Variants in PTPN13 observed in about 807,000 individuals in gnomAD.
PTPN13 encodes protein tyrosine phosphatase non-receptor type 13.
Under a neutral mutation model 284.0 loss-of-function variants are expected in PTPN13, and 191 were observed. That is an observed-to-expected ratio of 0.67 (90% CI 0.60 to 0.76). The LOEUF is 0.76. PTPN13 is among the 30% of genes least tolerant of loss of function. The pLI is 0.00. For synonymous variants in PTPN13, 986 were observed against 1,022.3 expected, an observed-to-expected ratio of 0.96 and a Z score of 0.68; for missense variants, 2,797 against 2,939.9, an observed-to-expected ratio of 0.95 and a Z score of 1.12.
At chr4:86,650,173 G>C (rs1460095482) in intron 2 of PTPN13, among the ~76,000 whole-genome samples, 1 of 152,028 alleles carries the variant, frequency 6.6e-6, no homozygotes, top group Non-Finnish European at 1.5e-5. Flanking sequence ...TTTTAGTAGA[G>C]ATGGGGTTCT....
intron 2 of PTPN13, among the ~76,000 whole-genome samples, chr4:86,657,146 G>A (rs1725932333): frequency 6.6e-6 from 1 of 152,186 alleles, no homozygotes; most frequent in East Asian, 1.9e-4. Flanking sequence ...GGCTAGGAAA[G>A]GGAATTCCCC....
chr4:86,726,633 A>G (rs1171969797), intron 10 of PTPN13, among the ~76,000 whole-genome samples: 1 of 149,076 alleles, frequency 6.7e-6, no homozygotes, highest in Non-Finnish European at 1.5e-5. Flanking sequence ...TGGTGTAGAG[A>G]AATGTTTGTG....
At chr4:86,738,756 C>A (rs1177077412) in intron 15 of PTPN13, among the ~76,000 whole-genome samples, 1 of 152,176 alleles carries the variant, frequency 6.6e-6, no homozygotes, top group South Asian at 2.1e-4. Flanking sequence ...TCTTGGCTCA[C>A]TGCAGCCTCC....
rs1578746665 is a variant in PTPN13, at chr4:86,814,649, A to G, written c.*98A>G. The G allele has an allele frequency of 1.1e-6, 1 of 898,152 alleles. No homozygotes were observed. Among genetic ancestry groups the G allele is most frequent in the South Asian group, 1.6e-5 (1 of 62,962 alleles). 55.6% of individuals were successfully genotyped at this position (898,152 alleles called of 1,614,324 possible). A position where few individuals can be genotyped will look rare whatever the true frequency, so the allele number is the denominator to read the frequency against. On this transcript the variant is annotated 3_prime_UTR_variant, in exon 48 of 48. Coordinates refer to ENST00000411767, the MANE Select transcript of PTPN13 (RefSeq NM_080683.3). Reference sequence around the variant, plus strand: ...ATAAAGATCACAGAGCAGCAAGTTCATACAACATGCATGTTCTCCTCTATC... The same window carrying G: ...ATAAAGATCACAGAGCAGCAAGTTCGTACAACATGCATGTTCTCCTCTATC...
Position 86,734,289 on chromosome 4 carries a change from C to T in PTPN13, c.1859-14C>T, listed in dbSNP as rs1410792423. 7.0e-7 allele frequency: 1 copy of T among 1,425,454 alleles called. No individual in the cohort carries two copies. The highest frequency in any genetic ancestry group is 1.5e-5 in the African/African-American group (1 of 68,274). The allele number at this position is 1,425,454 out of a possible 1,614,324, so 88.3% of individuals were successfully genotyped here. On this transcript the variant is annotated splice_polypyrimidine_tract_variant and intron_variant, in intron 12 of 47. Transcript: ENST00000411767. ...TTTTTTATTTTATCTGAATATTTTT[C>T]TCATTCTGTTTAGATAATGAATATT...
At chr4:86,785,175 C>G in intron 38 of PTPN13, 56 bp from the exon 39 acceptor site, 2 of 1,340,908 alleles carry the variant, frequency 1.5e-6, no homozygotes, top group Non-Finnish European at 2.0e-6. Flanking sequence ...CACCTTGTCC[C>G]TTTCTCGTGT....
At chr4:86,764,223 G>A (rs1488824937) in intron 24 of PTPN13, among the ~76,000 whole-genome samples, 1 of 152,052 alleles carries the variant, frequency 6.6e-6, no homozygotes, top group African/African-American at 2.4e-5. Context: ...ATTGGACCAG[G>A]ATTATATAAA....
intron 6 of PTPN13, among the ~76,000 whole-genome samples, chr4:86,698,573 A>G (rs1408405935): frequency 1.3e-5 from 2 of 152,188 alleles, no homozygotes; most frequent in Non-Finnish European, 2.9e-5. Context: ...TATCTCATAA[A>G]GGAAGAAAAA....
intron 2 of PTPN13, among the ~76,000 whole-genome samples, chr4:86,636,464 C>A (rs1169693130): frequency 1.3e-5 from 2 of 152,144 alleles, no homozygotes; most frequent in Non-Finnish European, 2.9e-5. Flanking sequence ...AAGAATCAGT[C>A]TCTAAAATTG....
At chr4:86,724,416 T>A (rs1734005632) in intron 10 of PTPN13, among the ~76,000 whole-genome samples, 1 of 152,224 alleles carries the variant, frequency 6.6e-6, no homozygotes, top group African/African-American at 2.4e-5. Context: ...CTTTGGTTCA[T>A]TCACAATTCA....
chr4:86,809,688 C>A, intron 45 of PTPN13, 81 bp from the exon 46 acceptor site: 1 of 1,345,940 alleles, frequency 7.4e-7, no homozygotes, highest in Non-Finnish European at 1.1e-6. Context: ...GAGACCCTAT[C>A]TCAAGAAAGA....
intron 17 of PTPN13, among the ~76,000 whole-genome samples, chr4:86,747,328 G>T (rs750965950): frequency 6.6e-6 from 1 of 152,172 alleles, no homozygotes; most frequent in African/African-American, 2.4e-5. Context: ...ATTGCCATAA[G>T]ATAATACCTA....
intron 13 of PTPN13, 118 bp downstream of exon 13, chr4:86,734,574 G>C (rs148112260): frequency 7.9e-7 from 1 of 1,270,508 alleles, no homozygotes; most frequent in Non-Finnish European, 1.1e-6. Flanking sequence ...TATCATAAAA[G>C]TAATATTTCT....
Position 86,630,252 on chromosome 4 carries a change from A to G in PTPN13, c.-5-5000A>G, listed in dbSNP as rs183739291. The stretch of plus-strand genomic sequence containing the variant: ...AAAGTATTTCTTGTATCTGACTGAC[A>G]GAAAAAACCTTCCCAAGTACCCAAA... On this transcript the variant is annotated intron_variant, in intron 1 of 47. Transcript: ENST00000411767. 1.6e-4 allele frequency among the ~76,000 whole-genome samples: 24 copies of G among 152,290 alleles called. No individual in the cohort carries two copies. The East Asian group carries it at 4.4e-3, about 28-fold the overall frequency.
intron 36 of PTPN13, 148 bp from the exon 37 acceptor site, chr4:86,782,053 G>T (rs1741376712): frequency 5.4e-6 from 3 of 559,608 alleles, no homozygotes; most frequent in South Asian, 2.7e-5. Flanking sequence ...CCATTTATTT[G>T]GTTTTTAATC....
chr4:86,693,537 C>A, intron 5 of PTPN13, 50 bp from the exon 6 acceptor site: 1 of 1,284,674 alleles, frequency 7.8e-7, no homozygotes, highest in South Asian at 1.6e-5. Context: ...ACCATGAAAA[C>A]AAAAGGGAGA....
chr4:86,676,370 C>T (rs1474208311), intron 3 of PTPN13, among the ~76,000 whole-genome samples: 6 of 152,004 alleles, frequency 3.9e-5, no homozygotes, highest in South Asian at 2.1e-4. Context: ...CAACTGTTGG[C>T]GAGGATGCAG....
At chr4:86,635,616 G>A (rs111952857) in intron 2 of PTPN13, among the ~76,000 whole-genome samples, 7,099 of 152,172 alleles carry the variant, frequency 0.047, 222 homozygotes, top group African/African-American at 0.061. Flanking sequence ...GATTGAAACC[G>A]AAACAGTTCT....
In PTPN13 at chr4:86,811,040, T is replaced by C. The variant is rs1464161126; in HGVS notation, c.7300-6T>C. The C allele has an allele frequency of 1.9e-6, 3 of 1,612,332 alleles. No homozygotes were observed. The African/African-American group carries it at 4.0e-5, about 22-fold the overall frequency. On this transcript the variant is annotated splice_polypyrimidine_tract_variant and splice_region_variant and intron_variant, in intron 46 of 47. Coordinates refer to ENST00000411767, the MANE Select transcript of PTPN13 (RefSeq NM_080683.3). ...AATCTAACACATATGTGGTTTCCTCTGACAGTTTGACATCTCTGATTTGGT... is the reference window on the plus strand; with the variant it reads ...AATCTAACACATATGTGGTTTCCTCCGACAGTTTGACATCTCTGATTTGGT...
Sources: allele counts gnomAD v4.1 joint callset (sites outside exome capture counted in the v4.1 genomes callset), GRCh38; gene constraint gnomAD v4.1.1; transcripts MANE v1.5; gene names NCBI Gene and HGNC (gene_info 2026-07-23, HGNC 2026-07-21).